The following NRG3 variants were observed in gnomAD, a reference collection of about 807,000 sequenced individuals.
The protein encoded by NRG3 is neuregulin 3.
Under a neutral mutation model 66.9 loss-of-function variants are expected in NRG3, and 31 were observed. The ratio of observed to expected loss-of-function variants is 0.46; its 90% CI spans 0.35 to 0.63. The LOEUF (loss-of-function observed/expected upper bound fraction) is 0.63, where lower values mean the gene tolerates loss of function less well. NRG3 is among the 20% of genes least tolerant of loss of function. NRG3 has a pLI of 0.00. For synonymous variants in NRG3, 393 were observed against 359.4 expected, an observed-to-expected ratio of 1.09 and a Z score of -1.06; for missense variants, 910 against 878.9, an observed-to-expected ratio of 1.04 and a Z score of -0.45.
chr10:82,256,228 T>G (rs760916845), intron 1 of NRG3, among the ~76,000 whole-genome samples: 2 of 152,212 alleles, frequency 1.3e-5, no homozygotes, highest in Non-Finnish European at 2.9e-5. Context: ...GGCTTAAATC[T>G]GAAACTTTTC....
chr10:82,203,272 G>C (rs1206684491), intron 1 of NRG3, among the ~76,000 whole-genome samples: 1 of 152,134 alleles, frequency 6.6e-6, no homozygotes, highest in South Asian at 2.1e-4. Context: ...ATACTCATTG[G>C]AAATGAGTAT....
rs117318998 is a variant in NRG3 at position 82,575,601 on chromosome 10, A to G, written c.954-162976A>G. ...GATGCAGAACAATTGTTCTGATGACATCGTTCCTTTGGCACAGTTGTTGAT... is the reference window on the plus strand; with the variant it reads ...GATGCAGAACAATTGTTCTGATGACGTCGTTCCTTTGGCACAGTTGTTGAT... On this transcript the variant is annotated intron_variant, in intron 2 of 8. Transcript: ENST00000372141. 6.8e-3 allele frequency among the ~76,000 whole-genome samples: 1,032 copies of G among 151,834 alleles called. 12 individuals are homozygous for G. Among genetic ancestry groups the G allele is most frequent in the South Asian group, 0.042 (202 of 4,826 alleles).
At chr10:82,617,261 TAC>T (rs1300252582) in intron 2 of NRG3, among the ~76,000 whole-genome samples, 1 of 125,830 alleles carries the variant, frequency 7.9e-6, no homozygotes, top group Non-Finnish European at 1.6e-5. Flanking sequence ...CACATACACA[TAC>T]ACACACACAA....
At chr10:82,492,341 C>G (rs1025055499) in intron 2 of NRG3, among the ~76,000 whole-genome samples, 1 of 152,174 alleles carries the variant, frequency 6.6e-6, no homozygotes, top group Admixed American at 6.5e-5. Context: ...CCAAAGTGAA[C>G]TAAGTTAACT....
chr10:82,685,119 A>G (rs1277323758), intron 2 of NRG3, among the ~76,000 whole-genome samples: 5 of 150,000 alleles, frequency 3.3e-5, no homozygotes, highest in Non-Finnish European at 5.9e-5. Context: ...GACTATGTAG[A>G]TGGCCGAATA....
At chr10:82,706,869 C>A (rs1279710212) in intron 2 of NRG3, among the ~76,000 whole-genome samples, 1 of 151,826 alleles carries the variant, frequency 6.6e-6, no homozygotes, top group South Asian at 2.1e-4. Flanking sequence ...TGGTGCACAT[C>A]TTTAATCCCA....
chr10:82,376,861 T>A (rs979738992), intron 2 of NRG3, among the ~76,000 whole-genome samples: 3 of 152,202 alleles, frequency 2.0e-5, no homozygotes, highest in Admixed American at 2.0e-4. Context: ...CTGCTCTCTG[T>A]CTAGCCTATG....
chr10:82,889,196 A>C (rs1301052202), intron 4 of NRG3, among the ~76,000 whole-genome samples: 1 of 152,134 alleles, frequency 6.6e-6, no homozygotes, highest in African/African-American at 2.4e-5. Context: ...AAGGATCTAG[A>C]GGAGACACGA....
chr10:82,573,533 A>G (rs1161808497), intron 2 of NRG3, among the ~76,000 whole-genome samples: 5 of 151,810 alleles, frequency 3.3e-5, no homozygotes, highest in Non-Finnish European at 5.9e-5. Context: ...CTCTCCGCAT[A>G]GTATGTGATT....
At chr10:81,905,335 A>G (rs1056105185) in intron 1 of NRG3, among the ~76,000 whole-genome samples, 2 of 152,076 alleles carry the variant, frequency 1.3e-5, no homozygotes, top group African/African-American at 4.8e-5. Context: ...CCATTCCTCT[A>G]GGTTTGTAGA....
chr10:82,261,772 G>A (rs991338929), intron 1 of NRG3, among the ~76,000 whole-genome samples: 7 of 152,106 alleles, frequency 4.6e-5, no homozygotes, highest in South Asian at 4.1e-4. Flanking sequence ...CTATTTTTTT[G>A]TGGTTTAGGA....
At chr10:82,098,048 C>CAT (rs36047188) in intron 1 of NRG3, among the ~76,000 whole-genome samples, 58,048 of 137,708 alleles carry the variant, frequency 0.42, 12,591 homozygotes, top group South Asian at 0.52. Context: ...TAGTCTGCCA[C>CAT]ATATATACAC....
intron 1 of NRG3, among the ~76,000 whole-genome samples, chr10:82,018,158 G>A (rs890952985): frequency 6.6e-6 from 1 of 152,152 alleles, no homozygotes; most frequent in Non-Finnish European, 1.5e-5. Context: ...CCTATGGCTA[G>A]CCAGATTTCC....
chr10:82,181,109 T>G (rs1468059263), intron 1 of NRG3, among the ~76,000 whole-genome samples: 1 of 151,770 alleles, frequency 6.6e-6, no homozygotes, highest in East Asian at 1.9e-4. Context: ...CAATGTCTCC[T>G]CTTTCATTTC....
At chr10:82,388,205 T>G (rs181884838) in intron 2 of NRG3, among the ~76,000 whole-genome samples, 1 of 152,160 alleles carries the variant, frequency 6.6e-6, no homozygotes, top group African/African-American at 2.4e-5. Flanking sequence ...TATGGGACTC[T>G]CATGTGGGAT....
At chr10:82,826,512 G>T (rs1423130678) in intron 3 of NRG3, among the ~76,000 whole-genome samples, 2 of 152,216 alleles carry the variant, frequency 1.3e-5, no homozygotes, top group Non-Finnish European at 2.9e-5. Context: ...AATCAACTTA[G>T]ATGCTCATCA....
intron 1 of NRG3, among the ~76,000 whole-genome samples, chr10:82,254,483 ACAC>A (rs1298702439): frequency 6.6e-6 from 1 of 152,222 alleles, no homozygotes; most frequent in African/African-American, 2.4e-5. Context: ...GACAGTGAGC[ACAC>A]CCAGTGCCCA....
intron 4 of NRG3, among the ~76,000 whole-genome samples, chr10:82,890,186 T>C (rs1027653774): frequency 1.3e-5 from 2 of 151,706 alleles, no homozygotes; most frequent in Non-Finnish European, 1.5e-5. Context: ...AAAAAATAAG[T>C]TGTTTTTCTA....
chr10:82,624,464 A>G (rs2049268041), intron 2 of NRG3, among the ~76,000 whole-genome samples: 1 of 151,984 alleles, frequency 6.6e-6, no homozygotes, highest in South Asian at 2.1e-4. Context: ...AATGATTCCT[A>G]TCTTTAATCA....
Sources: gnomAD v4.1 joint callset for allele counts (sites outside exome capture counted in the v4.1 genomes callset) on GRCh38, gnomAD v4.1.1 for gene constraint, MANE v1.5 for transcripts, NCBI Gene and HGNC (gene_info 2026-07-23, HGNC 2026-07-21) for gene names.